Variants in DPP10 observed in about 807,000 individuals in gnomAD.
DPP10 encodes the protein dipeptidyl peptidase like 10, also known as inactive dipeptidyl peptidase 10.
In DPP10, 33 loss-of-function variants were observed where a neutral mutation model predicts 120.9. The ratio of observed to expected loss-of-function variants is 0.27; its 90% CI spans 0.21 to 0.37. The LOEUF is 0.37. DPP10 is among the 10% of genes least tolerant of loss of function. DPP10 has a pLI of 1.00. For synonymous variants in DPP10, 337 were observed against 326.1 expected, an observed-to-expected ratio of 1.03 and a Z score of -0.36; for missense variants, 816 against 942.8, an observed-to-expected ratio of 0.87 and a Z score of 1.76.
intron 1 of DPP10, among the ~76,000 whole-genome samples, chr2:115,242,155 C>T (rs866301170): frequency 7.9e-5 from 12 of 152,026 alleles, no homozygotes; most frequent in Middle Eastern, 6.8e-3. Flanking sequence ...TCATGCTCTT[C>T]CCACCCTTTC....
chr2:115,170,162 T>C lies in DPP10; in HGVS notation c.61-139077T>C, dbSNP rs144780288. On this transcript the variant is annotated intron_variant, in intron 1 of 25. Coordinates refer to ENST00000410059, the MANE Select transcript of DPP10 (RefSeq NM_020868.6). ...GGGTTTACTTTTGGCAAGAGTTGAG[T>C]AAGTGAAAACTCTGATATTCATACT... Among the ~76,000 whole-genome samples the C allele has an allele frequency of 3.9e-5, 6 of 152,322 alleles. No homozygotes were observed. The East Asian group carries it at 1.2e-3, about 29-fold the overall frequency.
intron 3 of DPP10, among the ~76,000 whole-genome samples, chr2:115,430,630 T>C (rs2070888090): frequency 6.6e-6 from 1 of 152,170 alleles, no homozygotes; most frequent in Non-Finnish European, 1.5e-5. Context: ...AAAATATTCC[T>C]CCTTTTACAA....
In DPP10 at chr2:115,714,726, T is replaced by C. The variant is rs2092432082; in HGVS notation, c.577-13090T>C. On this transcript the variant is annotated intron_variant, in intron 7 of 25. Transcript: ENST00000410059. Reference sequence around the variant, plus strand: ...AGTTTCTCTACTTGGAATAGCCCTTTCTCTGCTTAGAAAAATCTACTGGAT... The same window carrying C: ...AGTTTCTCTACTTGGAATAGCCCTTCCTCTGCTTAGAAAAATCTACTGGAT... 2.6e-5 allele frequency among the ~76,000 whole-genome samples: 4 copies of C among 152,300 alleles called. No homozygotes were observed. The South Asian group carries it at 8.3e-4, about 32-fold the overall frequency.
intron 5 of DPP10, among the ~76,000 whole-genome samples, chr2:115,533,719 A>G (rs1362838411): frequency 2.0e-5 from 3 of 152,044 alleles, no homozygotes; most frequent in Non-Finnish European, 2.9e-5. Flanking sequence ...ACAAACTCAA[A>G]GAAAGCACAG....
intron 1 of DPP10, among the ~76,000 whole-genome samples, chr2:115,240,061 A>C (rs2058199952): frequency 6.6e-6 from 1 of 152,226 alleles, no homozygotes; most frequent in African/African-American, 2.4e-5. Context: ...TGCAATAAAC[A>C]TACGTGTGCA....
chr2:115,052,194 G>C (rs998245723), intron 1 of DPP10, among the ~76,000 whole-genome samples: 1 of 152,008 alleles, frequency 6.6e-6, no homozygotes, highest in Non-Finnish European at 1.5e-5. Flanking sequence ...TGGATCAAAC[G>C]CCTAAATGTA....
At chr2:114,511,774 T>C (rs563401470) in intron 1 of DPP10, among the ~76,000 whole-genome samples, 1 of 152,310 alleles carries the variant, frequency 6.6e-6, no homozygotes, top group East Asian at 1.9e-4. Context: ...AAACTTCTCC[T>C]GCAAGTTTGA....
At chr2:114,554,724 C>T (rs1290833577) in intron 1 of DPP10, among the ~76,000 whole-genome samples, 1 of 152,316 alleles carries the variant, frequency 6.6e-6, no homozygotes, top group African/African-American at 2.4e-5. Context: ...CCATTCCGGG[C>T]TTTAACATCT....
At chr2:115,101,739 A>C (rs2048700296) in intron 1 of DPP10, among the ~76,000 whole-genome samples, 1 of 152,206 alleles carries the variant, frequency 6.6e-6, no homozygotes, top group African/African-American at 2.4e-5. Context: ...GGACTCCTAA[A>C]AACATCACTG....
At position 115,556,364 on chromosome 2, in the gene DPP10, GT is replaced by G. The variant is rs34615187; in HGVS notation, c.441+30410del. 2.2e-3 allele frequency among the ~76,000 whole-genome samples: 284 copies of G among 128,652 alleles called. 1 individual carries two copies. Among genetic ancestry groups the G allele is most frequent in the East Asian group, 7.1e-3 (31 of 4,370 alleles). The allele number at this position is 128,652 out of a possible 152,430, so 84.4% of individuals were successfully genotyped here. On this transcript the variant is annotated intron_variant, in intron 5 of 25. Transcript: ENST00000410059. ...ACGTTGTGAGATTTTTTTTTGGCAG[GT>G]TTTTTTTTTTTTTTTTTCTCATCAG...
intron 13 of DPP10, among the ~76,000 whole-genome samples, chr2:115,769,185 G>A (rs1466200689): frequency 1.3e-5 from 2 of 151,974 alleles, no homozygotes; most frequent in Non-Finnish European, 2.9e-5. Flanking sequence ...ACAGGTTAAA[G>A]GCTTTCTAAT....
At chr2:115,695,123 A>C (rs533735099) in intron 7 of DPP10, among the ~76,000 whole-genome samples, 1 of 152,314 alleles carries the variant, frequency 6.6e-6, no homozygotes, top group South Asian at 2.1e-4. Context: ...AGCCATTAAA[A>C]ATTAAGATAT....
chr2:114,933,725 G>C (rs993112350), intron 1 of DPP10, among the ~76,000 whole-genome samples: 1 of 152,170 alleles, frequency 6.6e-6, no homozygotes, highest in Non-Finnish European at 1.5e-5. Context: ...TTGGAAGAGA[G>C]GTTCTCTTAC....
intron 1 of DPP10, among the ~76,000 whole-genome samples, chr2:114,463,218 CATCT>C (rs1159719297): frequency 3.3e-5 from 5 of 152,084 alleles, no homozygotes; most frequent in East Asian, 1.9e-4. Flanking sequence ...AATAGCCATC[CATCT>C]GTGTCCATAT....
At chr2:115,515,171 T>G (rs2077435565) in intron 4 of DPP10, among the ~76,000 whole-genome samples, 1 of 151,894 alleles carries the variant, frequency 6.6e-6, no homozygotes, top group South Asian at 2.1e-4. Flanking sequence ...ATTACATTAC[T>G]GCTCCAAAAC....
intron 3 of DPP10, among the ~76,000 whole-genome samples, chr2:115,353,588 A>G (rs2106316569): frequency 6.6e-6 from 1 of 152,246 alleles, no homozygotes; most frequent in Non-Finnish European, 1.5e-5. Context: ...AGATATTAGT[A>G]ATAGGAATTT....
At chr2:115,114,842 G>C (rs2049415426) in intron 1 of DPP10, among the ~76,000 whole-genome samples, 1 of 152,014 alleles carries the variant, frequency 6.6e-6, no homozygotes, top group South Asian at 2.1e-4. Context: ...CTTCGAGATT[G>C]AGAAGTATAG....
intron 8 of DPP10, among the ~76,000 whole-genome samples, chr2:115,734,484 C>A (rs763951093): frequency 1.3e-5 from 2 of 151,462 alleles, no homozygotes; most frequent in Admixed American, 1.3e-4. Context: ...GGTAAAACCC[C>A]GTCTCTAATA....
At chr2:115,702,095 A>G (rs1312612271) in intron 7 of DPP10, among the ~76,000 whole-genome samples, 5 of 152,030 alleles carry the variant, frequency 3.3e-5, no homozygotes, top group Non-Finnish European at 7.4e-5. Flanking sequence ...AGGGACATGT[A>G]TATCCTGCCA....
Sources: allele counts gnomAD v4.1 joint callset (sites outside exome capture counted in the v4.1 genomes callset), GRCh38; gene constraint gnomAD v4.1.1; transcripts MANE v1.5; gene names NCBI Gene and HGNC (gene_info 2026-07-23, HGNC 2026-07-21).